Variants in TBC1D10A observed in about 807,000 individuals in gnomAD.
TBC1D10A encodes the protein TBC1 domain family member 10A.
A neutral mutation model predicts 52.9 loss-of-function variants in TBC1D10A; 24 were observed. That is an observed-to-expected ratio of 0.45 (90% CI 0.33 to 0.64). The LOEUF is 0.64. TBC1D10A is among the 30% of genes least tolerant of loss of function. TBC1D10A has a pLI of 0.02. For missense variants in TBC1D10A, 602 were observed against 687.9 expected, an observed-to-expected ratio of 0.88 and a Z score of 1.40; for synonymous variants, 278 against 282.9, an observed-to-expected ratio of 0.98 and a Z score of 0.17.
At position 30,292,654 on chromosome 22, in the gene TBC1D10A, G is replaced by A; in HGVS notation, c.1248C>T (p.Ala416=). Residue 416 remains alanine, a synonymous_variant, in exon 9 of 9, where the codon GCC becomes GCT. Coordinates refer to ENST00000215790, the MANE Select transcript of TBC1D10A (RefSeq NM_031937.3). ...PSPSIRLPLD[A]PLPGSKAKPK... ...GCTTGGCTTTGGAGCCAGGGAGGGG[G>A]GCATCTAGGGGCAGGCGGATGGATG... 1 of 1,610,746 alleles carries A rather than the reference G, an allele frequency of 6.2e-7. No individual in the cohort carries two copies. The highest frequency in any genetic ancestry group is 1.3e-5 in the African/African-American group (1 of 74,954).
Position 30,292,346 on chromosome 22 carries a change from C to A in TBC1D10A, c.*29G>T. ...CATGAACCGTGTAGTTATATGGAGACCCCGCCCTGGAGGCCTTAGCTGCCA... is the reference window on the plus strand; with the variant it reads ...CATGAACCGTGTAGTTATATGGAGAACCCGCCCTGGAGGCCTTAGCTGCCA... On this transcript the variant is annotated 3_prime_UTR_variant, in exon 9 of 9. Transcript: ENST00000215790. The A allele has an allele frequency of 6.6e-7, 1 of 1,512,928 alleles. No individual in the cohort carries two copies. The highest frequency in any genetic ancestry group is 8.9e-7 in the Non-Finnish European group (1 of 1,128,042). The allele number at this position is 1,512,928 out of a possible 1,614,324, so 93.7% of individuals were successfully genotyped here. A position where few individuals can be genotyped will look rare whatever the true frequency, so the allele number is the denominator to read the frequency against.
At chr22:30,320,979 G>C (rs1327950094) in intron 1 of TBC1D10A, among the ~76,000 whole-genome samples, 1 of 152,170 alleles carries the variant, frequency 6.6e-6, no homozygotes, top group Admixed American at 6.5e-5. Flanking sequence ...GGGTGGCTGG[G>C]CCACAGCCAG....
intron 1 of TBC1D10A, among the ~76,000 whole-genome samples, chr22:30,311,869 T>G (rs986196802): frequency 2.6e-4 from 40 of 152,158 alleles, no homozygotes; most frequent in Non-Finnish European, 4.3e-4. Context: ...CTCGGCTCAC[T>G]GCAGCCTCCG....
intron 5 of TBC1D10A, 34 bp downstream of exon 5, chr22:30,294,907 C>T (rs774598413): frequency 1.2e-6 from 2 of 1,613,990 alleles, no homozygotes; most frequent in African/African-American, 1.3e-5. Flanking sequence ...GGGTTCCCCA[C>T]CCACCCCCCT....
At chr22:30,293,490 A>T in intron 8 of TBC1D10A, 161 bp downstream of exon 8, 1 of 1,086,912 alleles carries the variant, frequency 9.2e-7, no homozygotes, top group Non-Finnish European at 1.3e-6. Context: ...CATGCTCTTC[A>T]CCAGACAGAA....
intron 2 of TBC1D10A, among the ~76,000 whole-genome samples, chr22:30,302,915 G>C (rs1351925585): frequency 1.3e-5 from 2 of 152,204 alleles, no homozygotes; most frequent in African/African-American, 2.4e-5. Context: ...CCAGAGGAAT[G>C]ATGAGGCAGG....
Position 30,294,093 on chromosome 22 carries a change from G to A in TBC1D10A, c.723C>T (p.Asp241=), listed in dbSNP as rs79347350. Residue 241 remains aspartate (D), a synonymous_variant, in exon 7 of 9, where the codon GAC becomes GAT. Transcript: ENST00000215790. ...GCAACAGCGAGAAAAGGATCTCCCC[G>A]TCCAGCTGGATCGCCTCCTAGGGAG... ...YSEKLEAIQL[D]GEILFSLLQK... 1,635 of 1,613,816 alleles carry A rather than the reference G, an allele frequency of 1.0e-3. 10 individuals carry two copies. The highest frequency in any genetic ancestry group is 3.7e-3 in the South Asian group (333 of 91,086).
intron 1 of TBC1D10A, 95 bp downstream of exon 1, chr22:30,326,578 G>A (rs904807556): frequency 6.2e-5 from 76 of 1,221,108 alleles, no homozygotes; most frequent in Non-Finnish European, 7.8e-5. Context: ...CTGCCTGGGA[G>A]GGGGACGTGT....
chr22:30,322,596 T>A (rs1371620242), intron 1 of TBC1D10A, among the ~76,000 whole-genome samples: 1 of 107,888 alleles, frequency 9.3e-6, no homozygotes, highest in Non-Finnish European at 2.0e-5. Flanking sequence ...CTTTCAGCTT[T>A]TTTTTTTTTT....
chr22:30,300,451 G>GA (rs57276123), intron 2 of TBC1D10A: 7,414 of 131,002 alleles, frequency 0.057, 233 homozygotes, highest in East Asian at 0.16. Flanking sequence ...TCTGTTTCAG[G>GA]AAAAAAAAAA....
rs117524513 is a variant in TBC1D10A, at chr22:30,307,052, G to A, written c.210-2422C>T. 7.9e-3 allele frequency among the ~76,000 whole-genome samples: 1,206 copies of A among 152,224 alleles called. 7 individuals are homozygous for A. The highest frequency in any genetic ancestry group is 0.012 in the Non-Finnish European group (810 of 67,998). Reference sequence around the variant, plus strand: ...CTCAGTTTCGCTATATGCTTGTACAGTCTATCTTATGAATTTGACCCTCTA... The same window carrying A: ...CTCAGTTTCGCTATATGCTTGTACAATCTATCTTATGAATTTGACCCTCTA... On this transcript the variant is annotated intron_variant, in intron 1 of 8. Transcript: ENST00000215790.
At position 30,297,571 on chromosome 22, in the gene TBC1D10A, C is replaced by T. The variant is rs1325863578; in HGVS notation, c.418-1728G>A. 2 of 152,196 alleles carry T rather than the reference C, an allele frequency of 1.3e-5. No individual in the cohort carries two copies. The highest frequency in any genetic ancestry group is 2.4e-5 in the African/African-American group (1 of 41,456). The allele number at this position is 152,196 out of a possible 1,614,324, so 9.4% of individuals were successfully genotyped here. On this transcript the variant is annotated intron_variant, in intron 3 of 8. Coordinates refer to ENST00000215790, the MANE Select transcript of TBC1D10A (RefSeq NM_031937.3). The surrounding 1 kb of genome is among the most constrained non-coding windows in gnomAD (Gnocchi z 4.3). ...CCATGGTCATGGGGCCTGTAGCCTC[C>T]ACCAGCCTGAGGGGTACTGGCGCCA... is the stretch of plus-strand genomic sequence containing the variant.
intron 4 of TBC1D10A, among the ~76,000 whole-genome samples, chr22:30,295,502 G>A (rs558873505): frequency 1.2e-4 from 18 of 152,270 alleles, no homozygotes; most frequent in African/African-American, 3.9e-4. Flanking sequence ...ACCTGTTTCC[G>A]GAAGAGGGCC....
At position 30,326,837 on chromosome 22, in the gene TBC1D10A, G is replaced by T. The variant is rs1361539090; in HGVS notation, c.45C>A (p.Ala15=). The change falls in exon 1 of 9, where the codon GCC becomes GCA. Residue 15 remains alanine (A), a synonymous_variant. Coordinates refer to ENST00000215790, the MANE Select transcript of TBC1D10A (RefSeq NM_031937.3). ...NGENGPRAPA[A]GESLSGTRES... ...CCCGGGTTCCCGACAGGCTTTCCCCGGCCGCGGGCGCGCGCGGCCCATTCT... is the reference window on the plus strand; with the variant it reads ...CCCGGGTTCCCGACAGGCTTTCCCCTGCCGCGGGCGCGCGCGGCCCATTCT... The T allele has an allele frequency of 6.8e-7, 1 of 1,475,060 alleles. No homozygotes were observed. Among genetic ancestry groups the T allele is most frequent in the South Asian group, 1.3e-5 (1 of 75,000 alleles). The allele number at this position is 1,475,060 out of a possible 1,614,324, so 91.4% of individuals were successfully genotyped here. A position where few individuals can be genotyped will look rare whatever the true frequency, so the allele number is the denominator to read the frequency against.
At chr22:30,296,979 C>G (rs1220914560) in intron 3 of TBC1D10A, 1 of 152,268 alleles carries the variant, frequency 6.6e-6, no homozygotes, top group Non-Finnish European at 1.5e-5. Flanking sequence ...TCAGGGAAGG[C>G]CCTCAGGAGG....
At chr22:30,308,071 C>T (rs1930345673) in intron 1 of TBC1D10A, among the ~76,000 whole-genome samples, 1 of 152,260 alleles carries the variant, frequency 6.6e-6, no homozygotes, top group Non-Finnish European at 1.5e-5. Flanking sequence ...GTTGGGATTA[C>T]AGGCGTGAGC....
intron 3 of TBC1D10A, 85 bp downstream of exon 3, chr22:30,299,353 GAGGTTC>G: frequency 7.8e-7 from 1 of 1,274,864 alleles, no homozygotes; most frequent in East Asian, 2.4e-5. Flanking sequence ...CTCATCCTGT[GAGGTTC>G]AGGTGAGCAC....
chr22:30,311,844 G>A (rs1178189114), intron 1 of TBC1D10A, among the ~76,000 whole-genome samples: 4 of 152,130 alleles, frequency 2.6e-5, no homozygotes, highest in Non-Finnish European at 4.4e-5. Flanking sequence ...CCAAGATGGA[G>A]TGCAGTGGCA....
intron 1 of TBC1D10A, among the ~76,000 whole-genome samples, chr22:30,308,847 C>T (rs1930370821): frequency 6.6e-6 from 1 of 152,216 alleles, no homozygotes; most frequent in Admixed American, 6.5e-5. Context: ...TCTAATAGCC[C>T]AGTGAAGTGG....
Sources: gnomAD v4.1 joint callset for allele counts (sites outside exome capture counted in the v4.1 genomes callset) on GRCh38, gnomAD v4.1.1 for gene constraint, Gnocchi (gnomAD v3.1) non-coding constraint, MANE v1.5 for transcripts, NCBI Gene and HGNC (gene_info 2026-07-23, HGNC 2026-07-21) for gene names.